AP2B1: variants seen among roughly 807,000 people sequenced by gnomAD.
AP2B1 encodes adaptor related protein complex 2 subunit beta 1.
Under a neutral mutation model 102.0 loss-of-function variants are expected in AP2B1, and 23 were observed. That is an observed-to-expected ratio of 0.23 (90% CI 0.16 to 0.32). The LOEUF (loss-of-function observed/expected upper bound fraction) is 0.32. Ranked by LOEUF, AP2B1 falls within the 10% of genes least tolerant of loss-of-function variation. The pLI is 1.00. For missense variants in AP2B1, 541 were observed against 1,157.4 expected, an observed-to-expected ratio of 0.47 and a Z score of 7.73; for synonymous variants, 381 against 421.2, an observed-to-expected ratio of 0.90 and a Z score of 1.17.
At chr17:35,610,294 C>T (rs1365223773) in intron 5 of AP2B1, among the ~76,000 whole-genome samples, 2 of 151,842 alleles carry the variant, frequency 1.3e-5, no homozygotes, top group Non-Finnish European at 1.5e-5. Context: ...ATTACAGGTG[C>T]CCACTACCAT....
intron 12 of AP2B1, among the ~76,000 whole-genome samples, chr17:35,642,705 A>G (rs2074816904): frequency 6.6e-6 from 1 of 152,192 alleles, no homozygotes; most frequent in African/African-American, 2.4e-5. Flanking sequence ...TGATTCAGAT[A>G]TCCAGTTTAC....
At chr17:35,667,871 G>T (rs1598227583) in intron 14 of AP2B1, among the ~76,000 whole-genome samples, 1 of 151,654 alleles carries the variant, frequency 6.6e-6, no homozygotes, top group African/African-American at 2.4e-5. Context: ...CCACCTCAGA[G>T]TATCAGGACA....
chr17:35,709,376 A>G, intron 19 of AP2B1, 68 bp downstream of exon 19: 1 of 1,352,938 alleles, frequency 7.4e-7, no homozygotes, highest in South Asian at 1.2e-5. Flanking sequence ...GGCAGAGCAT[A>G]GCCCCAGAAG....
At chr17:35,693,108 C>G (rs1449088085) in intron 18 of AP2B1, among the ~76,000 whole-genome samples, 1 of 152,108 alleles carries the variant, frequency 6.6e-6, no homozygotes, top group Non-Finnish European at 1.5e-5. Flanking sequence ...ACCTCTGCCT[C>G]TCAGGTTCAA....
At chr17:35,710,766 C>T (rs2076430024) in intron 20 of AP2B1, among the ~76,000 whole-genome samples, 2 of 152,270 alleles carry the variant, frequency 1.3e-5, no homozygotes, top group Admixed American at 1.3e-4. Flanking sequence ...AATAATGTAT[C>T]ATCATTAGTG....
chr17:35,596,615 T>C (rs1597972096), intron 2 of AP2B1, among the ~76,000 whole-genome samples: 2 of 149,860 alleles, frequency 1.3e-5, no homozygotes, highest in South Asian at 4.2e-4. Flanking sequence ...GCCATGTCGC[T>C]CACTCGGGTG....
intron 5 of AP2B1, among the ~76,000 whole-genome samples, chr17:35,612,679 C>T (rs1034742720): frequency 6.6e-6 from 1 of 152,164 alleles, no homozygotes. Context: ...AAGAACTCTT[C>T]CTAAAATCAT....
rs149114491 is a variant in AP2B1, at chr17:35,674,196, G to T, written c.2199G>T (p.Lys733Asn). ...APKAVWLPAVKAKGLEISGTF... is the reference protein window; with the variant it reads ...APKAVWLPAVNAKGLEISGTF... The stretch of plus-strand genomic sequence containing the variant: ...TTCAGGTCTGGCTACCTGCAGTAAA[G>T]GCTAAAGGCTTGGAGATTTCCGGAA... The change falls in exon 17 of 22, where the codon AAG becomes AAT. Residue 733 changes from lysine to asparagine, a missense_variant. This residue lies in a region of AP2B1 where 62 missense variants were observed against 87.6 expected (regional missense o/e 0.71). Transcript: ENST00000610402. The T allele has an allele frequency of 6.2e-7, 1 of 1,614,108 alleles. No individual in the cohort carries two copies.
At chr17:35,663,368 C>T (rs1305421720) in intron 14 of AP2B1, among the ~76,000 whole-genome samples, 2 of 152,152 alleles carry the variant, frequency 1.3e-5, no homozygotes, top group African/African-American at 4.8e-5. Flanking sequence ...CTCAGAACAA[C>T]TCAAGAAGAT....
At chr17:35,669,789 A>G (rs2075548256) in intron 14 of AP2B1, among the ~76,000 whole-genome samples, 1 of 152,228 alleles carries the variant, frequency 6.6e-6, no homozygotes. Flanking sequence ...ACGACCTGCA[A>G]CTTTCTACCA....
At position 35,676,849 on chromosome 17, in the gene AP2B1, G is replaced by A. The variant is rs911242215; in HGVS notation, c.2324+2528G>A. On this transcript the variant is annotated intron_variant, in intron 17 of 21. Coordinates refer to ENST00000610402, the MANE Select transcript of AP2B1 (RefSeq NM_001030006.2). ...CTTTGCCTTTTGTTGTTTTTGGGGG[G>A]AGAGAGAGGATCGTCTTATTATGGA... 5.3e-5 allele frequency among the ~76,000 whole-genome samples: 8 copies of A among 152,230 alleles called. 1 individual carries two copies. The South Asian group carries it at 1.5e-3, about 28-fold the overall frequency.
intron 18 of AP2B1, among the ~76,000 whole-genome samples, chr17:35,703,491 A>G (rs963570600): frequency 5.9e-5 from 9 of 152,282 alleles, no homozygotes; most frequent in East Asian, 5.8e-4. Flanking sequence ...GTGGAATACT[A>G]TGCACCCATA....
At chr17:35,587,919 CGTAATGGAGGA>C (rs1227587480) in intron 1 of AP2B1, 4 of 152,016 alleles carry the variant, frequency 2.6e-5, no homozygotes, top group Non-Finnish European at 5.9e-5. Context: ...TTCCCTGCTC[CGTAATGGAGGA>C]GCATATCGCT....
chr17:35,696,170 C>G (rs749167833), intron 18 of AP2B1, among the ~76,000 whole-genome samples: 1 of 152,122 alleles, frequency 6.6e-6, no homozygotes, highest in Non-Finnish European at 1.5e-5. Context: ...CTGGTCTCCT[C>G]ACTTATCTTA....
At chr17:35,593,694 A>G (rs1481123158) in intron 1 of AP2B1, among the ~76,000 whole-genome samples, 1 of 152,234 alleles carries the variant, frequency 6.6e-6, no homozygotes. Flanking sequence ...AATTGCAGAT[A>G]TATTTATAAA....
In AP2B1 at chr17:35,619,823, TG is replaced by T. The variant is rs202001612; in HGVS notation, c.526-4573del. Among the ~76,000 whole-genome samples, 762 of 152,282 alleles carry T rather than the reference TG, an allele frequency of 5.0e-3. 8 individuals carry two copies. The highest frequency in any genetic ancestry group is 0.018 in the African/African-American group (735 of 41,548). ...TTTTGGAGACAGAGTCTCATTCTGT[TG>T]TCCAGGCTAGAGTGCAATGGTGTGA... is the stretch of plus-strand genomic sequence containing the variant. On this transcript the variant is annotated intron_variant, in intron 5 of 21. Coordinates refer to ENST00000610402, the MANE Select transcript of AP2B1 (RefSeq NM_001030006.2).
chr17:35,656,931 A>G (rs2075244026), intron 13 of AP2B1, among the ~76,000 whole-genome samples: 1 of 150,874 alleles, frequency 6.6e-6, no homozygotes, highest in Non-Finnish European at 1.5e-5. Flanking sequence ...TCAAAGTTTT[A>G]TTTTCCTTAT....
chr17:35,672,924 A>G (rs2075619798), intron 16 of AP2B1, among the ~76,000 whole-genome samples: 1 of 152,180 alleles, frequency 6.6e-6, no homozygotes, highest in African/African-American at 2.4e-5. Context: ...GATCATGCCC[A>G]TAGCTGTATA....
rs2076417430 is a variant in AP2B1 at position 35,710,106 on chromosome 17, C to T, written c.2540-128C>T. On this transcript the variant is annotated intron_variant, in intron 19 of 21. Coordinates refer to ENST00000610402, the MANE Select transcript of AP2B1 (RefSeq NM_001030006.2). ...CTTTTGTAGAGCTCAGCATTGGCTCCATTCCCAGCCTGCTGCTAGCTGTAT... is the reference window on the plus strand; with the variant it reads ...CTTTTGTAGAGCTCAGCATTGGCTCTATTCCCAGCCTGCTGCTAGCTGTAT... 3.6e-5 allele frequency: 26 copies of T among 714,498 alleles called. 1 individual carries two copies. In the South Asian group the frequency reaches 3.9e-4, roughly 11 times the overall value. The allele number at this position is 714,498 out of a possible 1,614,324, so 44.3% of individuals were successfully genotyped here. A position where few individuals can be genotyped will look rare whatever the true frequency, so the allele number is the denominator to read the frequency against.
Sources: gnomAD v4.1 joint callset for allele counts (sites outside exome capture counted in the v4.1 genomes callset) on GRCh38, gnomAD v4.1.1 for gene constraint, gnomAD v4.1.1 regional missense constraint, MANE v1.5 for transcripts, NCBI Gene and HGNC (gene_info 2026-07-23, HGNC 2026-07-21) for gene names.